The following IKZF2 variants were observed in gnomAD, a reference collection of about 807,000 sequenced individuals.
IKZF2 encodes IKAROS family zinc finger 2.
Under a neutral mutation model 49.2 loss-of-function variants are expected in IKZF2, and 15 were observed. The ratio of observed to expected loss-of-function variants is 0.30; its 90% confidence interval spans 0.20 to 0.47. The LOEUF (loss-of-function observed/expected upper bound fraction) is 0.47, where lower values mean the gene tolerates loss of function less well. Ranked by LOEUF, IKZF2 falls within the 20% of genes least tolerant of loss-of-function variation. IKZF2 has a pLI of 1.00. For synonymous variants in IKZF2, 227 were observed against 221.4 expected (o/e 1.03, Z -0.23); for missense variants, 567 against 664.6 (o/e 0.85, Z 1.61).
chr2:213,104,340 A>G (rs2059450946), intron 4 of IKZF2, among the ~76,000 whole-genome samples: 1 of 151,978 alleles, frequency 6.6e-6, no homozygotes, highest in African/African-American at 2.4e-5. Flanking sequence ...AGGGGTTCTC[A>G]GCCCATTCCT....
At chr2:213,028,153 T>C (rs898565172) in intron 6 of IKZF2, among the ~76,000 whole-genome samples, 2 of 152,098 alleles carry the variant, frequency 1.3e-5, no homozygotes, top group African/African-American at 4.8e-5. Flanking sequence ...GAAAATATTA[T>C]CCTTTCCCCC....
At chr2:213,124,255 C>CGT (rs1384097877) in intron 4 of IKZF2, among the ~76,000 whole-genome samples, 3 of 24,018 alleles carry the variant, frequency 1.2e-4, no homozygotes, top group Non-Finnish European at 2.9e-4. Flanking sequence ...CGCGCGCGCA[C>CGT]ACACACACAC....
At chr2:213,013,626 T>C (rs558159683) in intron 8 of IKZF2, among the ~76,000 whole-genome samples, 165 bp downstream of exon 8, 1 of 152,136 alleles carries the variant, frequency 6.6e-6, no homozygotes, top group East Asian at 1.9e-4. Context: ...TTGGTGTAAG[T>C]GTGGTGTACA....
chr2:213,035,816 G>A (rs1698964747), intron 6 of IKZF2, among the ~76,000 whole-genome samples: 1 of 152,110 alleles, frequency 6.6e-6, no homozygotes. Context: ...TTAAGAAGAG[G>A]AGTGACATGG....
rs992941617 is a variant in IKZF2, at chr2:213,001,967, A to G, written c.*5393T>C. 2 of 151,596 alleles carry G rather than the reference A, an allele frequency of 1.3e-5. No individual in the cohort carries two copies. Among genetic ancestry groups the G allele is most frequent in the African/African-American group, 2.4e-5 (1 of 41,404 alleles). The allele number at this position is 151,596 out of a possible 1,614,324, so 9.4% of individuals were successfully genotyped here. A position where few individuals can be genotyped will look rare whatever the true frequency, so the allele number is the denominator to read the frequency against. On this transcript the variant is annotated 3_prime_UTR_variant, in exon 9 of 9. Transcript: ENST00000434687. ...ATTTTTTAAAAAATCAATTTCCAGT[A>G]AATTAAAGTAAGTAAAATCTTGGTA...
At chr2:213,089,381 G>T (rs75555056) in intron 4 of IKZF2, among the ~76,000 whole-genome samples, 6,076 of 152,090 alleles carry the variant, frequency 0.04, 254 homozygotes, top group African/African-American at 0.11. Context: ...TTTTGTGCAG[G>T]CCTCCTCACA....
At chr2:213,079,577 G>GAAA (rs138703211) in intron 4 of IKZF2, among the ~76,000 whole-genome samples, 2 of 149,504 alleles carry the variant, frequency 1.3e-5, no homozygotes, top group Non-Finnish European at 3.0e-5. Flanking sequence ...GACAGAGAAA[G>GAAA]AGAAAAGAAA....
In IKZF2 at chr2:213,123,321, A is replaced by G. The variant is rs924468757; in HGVS notation, c.139+24387T>C. Among the ~76,000 whole-genome samples, 9 of 152,240 alleles carry G rather than the reference A, an allele frequency of 5.9e-5. No homozygotes were observed. In the South Asian group the frequency reaches 1.7e-3, roughly 28 times the overall value. The stretch of plus-strand genomic sequence containing the variant: ...ATGTCCTACTTTTAAGCCTCAAAGC[A>G]TCAGGTTTTATAGTATCTGCTCAAA... On this transcript the variant is annotated intron_variant, in intron 4 of 8. Coordinates refer to ENST00000434687, the MANE Select transcript of IKZF2 (RefSeq NM_001387220.1).
At chr2:213,116,562 T>C (rs2059881824) in intron 4 of IKZF2, among the ~76,000 whole-genome samples, 1 of 152,078 alleles carries the variant, frequency 6.6e-6, no homozygotes. Flanking sequence ...CAGTGGGATC[T>C]TGTCTGTACA....
chr2:213,028,668 T>C (rs1468847717), intron 6 of IKZF2, among the ~76,000 whole-genome samples: 1 of 152,146 alleles, frequency 6.6e-6, no homozygotes, highest in East Asian at 1.9e-4. Flanking sequence ...TGTCCAACTG[T>C]TCATTCCTAG....
At chr2:213,070,628 G>A (rs1181000222) in intron 4 of IKZF2, among the ~76,000 whole-genome samples, 1 of 152,088 alleles carries the variant, frequency 6.6e-6, no homozygotes, top group Non-Finnish European at 1.5e-5. Context: ...GGATCTATAG[G>A]ACTAGACAAG....
intron 6 of IKZF2, among the ~76,000 whole-genome samples, chr2:213,038,216 G>A (rs1252600723): frequency 1.3e-5 from 2 of 151,846 alleles, no homozygotes; most frequent in African/African-American, 2.4e-5. Context: ...CTGCCACCAC[G>A]CCCAGCTAAT....
chr2:213,074,643 T>A (rs1333044181), intron 4 of IKZF2, among the ~76,000 whole-genome samples: 2 of 152,146 alleles, frequency 1.3e-5, no homozygotes, highest in Non-Finnish European at 2.9e-5. Context: ...ACATACATAT[T>A]TTTTAGAAGA....
At chr2:213,109,417 A>T (rs1410361931) in intron 4 of IKZF2, among the ~76,000 whole-genome samples, 1 of 152,102 alleles carries the variant, frequency 6.6e-6, no homozygotes, top group Non-Finnish European at 1.5e-5. Context: ...GCTTGCATTG[A>T]AGATACTATA....
At position 213,001,619 on chromosome 2, in the gene IKZF2, A is replaced by G. The variant is rs997751837; in HGVS notation, c.*5741T>C. ...TTATACAACCAACAAAAATCACGAAAAAAAAATTAAGATTAAATTACCAAT... is the reference window on the plus strand; with the variant it reads ...TTATACAACCAACAAAAATCACGAAGAAAAAATTAAGATTAAATTACCAAT... On this transcript the variant is annotated 3_prime_UTR_variant, in exon 9 of 9. Coordinates refer to ENST00000434687, the MANE Select transcript of IKZF2 (RefSeq NM_001387220.1). 1.3e-4 allele frequency: 20 copies of G among 151,712 alleles called. No homozygotes were observed. The highest frequency in any genetic ancestry group is 3.9e-4 in the African/African-American group (16 of 41,392). The allele number at this position is 151,712 out of a possible 1,614,324, so 9.4% of individuals were successfully genotyped here.
intron 4 of IKZF2, among the ~76,000 whole-genome samples, chr2:213,060,012 G>C (rs1028329007): frequency 2.0e-5 from 3 of 151,166 alleles, no homozygotes; most frequent in Non-Finnish European, 4.4e-5. Flanking sequence ...TCAATAAAGT[G>C]CAACACATTT....
chr2:213,039,768 T>C (rs933879607), intron 6 of IKZF2, among the ~76,000 whole-genome samples: 9 of 152,134 alleles, frequency 5.9e-5, no homozygotes, highest in African/African-American at 1.4e-4. Context: ...GCTGGTTCAA[T>C]TGAAAGCTGA....
intron 4 of IKZF2, among the ~76,000 whole-genome samples, chr2:213,126,175 C>T (rs1040307788): frequency 2.0e-5 from 3 of 152,164 alleles, no homozygotes; most frequent in African/African-American, 7.2e-5. Flanking sequence ...TGAAGTTTAT[C>T]ACCCACACCC....
intron 4 of IKZF2, among the ~76,000 whole-genome samples, chr2:213,087,906 T>A (rs1170066298): frequency 6.6e-6 from 1 of 152,238 alleles, no homozygotes; most frequent in Non-Finnish European, 1.5e-5. Flanking sequence ...AGTCTATCAC[T>A]GATGGACATT....
Sources: allele counts gnomAD v4.1 joint callset (sites outside exome capture counted in the v4.1 genomes callset), GRCh38; gene constraint gnomAD v4.1.1; transcripts MANE v1.5; gene names NCBI Gene and HGNC (gene_info 2026-07-23, HGNC 2026-07-21).